SHOC1: variants seen among roughly 807,000 people sequenced by gnomAD.
SHOC1 encodes the protein protein shortage in chiasmata 1 ortholog.
Under a neutral mutation model 179.2 loss-of-function variants are expected in SHOC1, and 136 were observed. That is an observed-to-expected ratio of 0.76 (90% CI 0.66 to 0.87). The LOEUF (loss-of-function observed/expected upper bound fraction) is 0.87. Among genes scored for constraint, SHOC1 ranks in the 40% least tolerant of loss-of-function variants. The pLI is 0.00. For missense variants in SHOC1, 1,538 were observed against 1,700.8 expected (o/e 0.90, Z 1.68); for synonymous variants, 489 against 586.6 (o/e 0.83, Z 2.41).
intron 13 of SHOC1, among the ~76,000 whole-genome samples, chr9:111,725,913 T>C (rs1418042489): frequency 2.6e-5 from 4 of 152,190 alleles, no homozygotes; most frequent in Admixed American, 2.6e-4. Context: ...GTTGATAATA[T>C]ACCCTATCAT....
In SHOC1 at chr9:111,699,959, C is replaced by T. The variant is rs776223898; in HGVS notation, c.3178G>A (p.Val1060Ile). 3.8e-6 allele frequency: 6 copies of T among 1,596,354 alleles called. No homozygotes were observed. The highest frequency in any genetic ancestry group is 2.3e-5 in the South Asian group (2 of 88,294). ...SFGLNSEELD[V>I]KLIIAPGVEA... ...AACACATAGGAAAAGAATACCTTTA[C>T]ATCCAGTTCTTCAGAGTTTAGCCCA... The change falls in exon 24 of 28, where the codon GTA becomes ATA. Residue 1060 changes from valine to isoleucine, a missense_variant. Coordinates refer to ENST00000682961, the MANE Select transcript of SHOC1 (RefSeq NM_001378211.1).
Position 111,718,814 on chromosome 9 carries a change from C to A in SHOC1, c.2132-526G>T, listed in dbSNP as rs1391375134. On this transcript the variant is annotated intron_variant, in intron 15 of 27. Transcript: ENST00000682961. ...ACAAGAGATAAACTCACAGGGACAG[C>A]CTTATTGCCTAATTGTGTTCCATTT... is the stretch of plus-strand genomic sequence containing the variant. 4.6e-5 allele frequency among the ~76,000 whole-genome samples: 7 copies of A among 152,084 alleles called. No individual in the cohort carries two copies. In the East Asian group the frequency reaches 1.3e-3, roughly 29 times the overall value.
chr9:111,690,795 TAAAA>T (rs1831391815), intron 27 of SHOC1, among the ~76,000 whole-genome samples: 1 of 152,170 alleles, frequency 6.6e-6, no homozygotes, highest in Non-Finnish European at 1.5e-5. Context: ...GAGCCCTTTT[TAAAA>T]CAAAACAAAA....
intron 4 of SHOC1, among the ~76,000 whole-genome samples, chr9:111,776,359 A>G (rs1467141195): frequency 1.3e-5 from 2 of 152,240 alleles, no homozygotes; most frequent in Non-Finnish European, 2.9e-5. Flanking sequence ...ATTGCTTGCT[A>G]TTATAAGCAA....
intron 5 of SHOC1, among the ~76,000 whole-genome samples, chr9:111,759,720 A>G (rs1441100746): frequency 1.3e-5 from 2 of 152,220 alleles, no homozygotes; most frequent in Admixed American, 6.5e-5. Flanking sequence ...CTGGGTATTG[A>G]CTTTTCGGTT....
chr9:111,696,710 G>T (rs1398885939), intron 24 of SHOC1, among the ~76,000 whole-genome samples: 1 of 152,068 alleles, frequency 6.6e-6, no homozygotes. Context: ...TCACTCACTG[G>T]TATCATATGC....
At chr9:111,703,669 A>G (rs1832093636) in intron 22 of SHOC1, among the ~76,000 whole-genome samples, 1 of 152,178 alleles carries the variant, frequency 6.6e-6, no homozygotes, top group Non-Finnish European at 1.5e-5. Context: ...TATTTGCCCT[A>G]TCTTCTTAAA....
Position 111,706,540 on chromosome 9 carries a change from A to G in SHOC1, c.2737+28T>C, listed in dbSNP as rs751504451. The stretch of plus-strand genomic sequence containing the variant: ...AGAAAATTTTCATTCTAATAAAGCA[A>G]AAAAAGGATTTTGGCTTATATTCTT... On this transcript the variant is annotated intron_variant, in intron 20 of 27. Coordinates refer to ENST00000682961, the MANE Select transcript of SHOC1 (RefSeq NM_001378211.1). The G allele has an allele frequency of 5.5e-6, 8 of 1,456,040 alleles. No homozygotes were observed. In the Admixed American group the frequency reaches 1.5e-4, roughly 28 times the overall value. 90.2% of individuals were successfully genotyped at this position (1,456,040 alleles called of 1,614,324 possible). A position where few individuals can be genotyped will look rare whatever the true frequency, so the allele number is the denominator to read the frequency against.
intron 24 of SHOC1, among the ~76,000 whole-genome samples, chr9:111,699,106 G>T (rs1474001343): frequency 6.6e-6 from 1 of 152,154 alleles, no homozygotes; most frequent in Non-Finnish European, 1.5e-5. Context: ...TATATGTGAT[G>T]AAGTGGGGAA....
At chr9:111,698,619 G>A (rs1008002848) in intron 24 of SHOC1, among the ~76,000 whole-genome samples, 12 of 152,082 alleles carry the variant, frequency 7.9e-5, no homozygotes, top group African/African-American at 2.7e-4. Flanking sequence ...TCTGAAGTCA[G>A]GTAGCGTGAT....
chr9:111,730,244 T>TA (rs1833504649), intron 12 of SHOC1, among the ~76,000 whole-genome samples: 1 of 152,220 alleles, frequency 6.6e-6, no homozygotes, highest in Admixed American at 6.5e-5. Context: ...TCTATCTTGC[T>TA]AATGTTGATA....
intron 1 of SHOC1, among the ~76,000 whole-genome samples, chr9:111,792,981 C>T (rs1836498588): frequency 6.6e-6 from 1 of 151,908 alleles, no homozygotes; most frequent in South Asian, 2.1e-4. Context: ...CTCCCAGGTT[C>T]ACGCCATTCT....
At chr9:111,720,754 A>G (rs1833003334) in intron 15 of SHOC1, among the ~76,000 whole-genome samples, 1 of 152,024 alleles carries the variant, frequency 6.6e-6, no homozygotes, top group South Asian at 2.1e-4. Flanking sequence ...CATCCACTAT[A>G]TTTTTCATCT....
chr9:111,774,627 A>G (rs1396121428), intron 5 of SHOC1, among the ~76,000 whole-genome samples: 3 of 152,234 alleles, frequency 2.0e-5, no homozygotes, highest in Non-Finnish European at 4.4e-5. Flanking sequence ...CATGCTCTCA[A>G]GTTTTAGTTC....
chr9:111,698,038 G>C (rs1177650259), intron 24 of SHOC1, among the ~76,000 whole-genome samples: 1 of 152,146 alleles, frequency 6.6e-6, no homozygotes, highest in East Asian at 1.9e-4. Flanking sequence ...TGATGGGGTT[G>C]TTTGATTTTT....
chr9:111,772,894 C>T (rs1201624756), intron 5 of SHOC1, among the ~76,000 whole-genome samples: 1 of 152,174 alleles, frequency 6.6e-6, no homozygotes, highest in East Asian at 1.9e-4. Flanking sequence ...AAGAAGTCTC[C>T]TGCCAGGGAA....
At chr9:111,741,628 AATTTT>A (rs1451010440) in intron 10 of SHOC1, 58 bp from the exon 11 acceptor site, 16 of 918,638 alleles carry the variant, frequency 1.7e-5, no homozygotes, top group South Asian at 3.7e-5. Flanking sequence ...TGTATAATAA[AATTTT>A]ATTTTATTTT....
At chr9:111,781,662 G>T (rs1276511858) in intron 3 of SHOC1, among the ~76,000 whole-genome samples, 1 of 152,112 alleles carries the variant, frequency 6.6e-6, no homozygotes, top group South Asian at 2.1e-4. Context: ...AACAGAGGCT[G>T]CAGTGAGCAG....
rs1238236998 is a variant in SHOC1 at position 111,786,048 on chromosome 9, G to T, written c.46-13C>A. 1 of 1,461,772 alleles carries T rather than the reference G, an allele frequency of 6.8e-7. No individual in the cohort carries two copies. The highest frequency in any genetic ancestry group is 2.9e-5 in the Admixed American group (1 of 33,984). The allele number at this position is 1,461,772 out of a possible 1,614,324, so 90.6% of individuals were successfully genotyped here. ...TTCTAACCACATTCTGTGGAAGAAA[G>T]AAAGATTAGAAAATCTTTTAACATG... is the stretch of plus-strand genomic sequence containing the variant. On this transcript the variant is annotated splice_polypyrimidine_tract_variant and intron_variant, in intron 2 of 27. Coordinates refer to ENST00000682961, the MANE Select transcript of SHOC1 (RefSeq NM_001378211.1).
Sources: allele counts gnomAD v4.1 joint callset (sites outside exome capture counted in the v4.1 genomes callset), GRCh38; gene constraint gnomAD v4.1.1; transcripts MANE v1.5; gene names NCBI Gene and HGNC (gene_info 2026-07-23, HGNC 2026-07-21).